NRXN1: variants seen among roughly 807,000 people sequenced by gnomAD.
The protein encoded by NRXN1 is neurexin-1.
A neutral mutation model predicts 150.9 loss-of-function variants in NRXN1; 39 were observed. That is an observed-to-expected ratio of 0.26 (90% CI 0.20 to 0.34). The LOEUF is 0.34. NRXN1 is among the 10% of genes least tolerant of loss of function. The pLI is 1.00. For synonymous variants in NRXN1, 924 were observed against 757.0 expected, an observed-to-expected ratio of 1.22 and a Z score of -3.62; for missense variants, 1,815 against 1,949.9, an observed-to-expected ratio of 0.93 and a Z score of 1.30.
chr2:50,433,808 T>C (rs1293207598), intron 17 of NRXN1, among the ~76,000 whole-genome samples: 1 of 152,024 alleles, frequency 6.6e-6, no homozygotes, highest in African/African-American at 2.4e-5. Context: ...ATGCAAATGA[T>C]AAATAGGTTG....
At chr2:50,868,276 A>C (rs988498502) in intron 5 of NRXN1, among the ~76,000 whole-genome samples, 4 of 150,172 alleles carry the variant, frequency 2.7e-5, no homozygotes, top group African/African-American at 9.8e-5. Context: ...GGAAGTCTTT[A>C]TGTGAAACAA....
intron 5 of NRXN1, among the ~76,000 whole-genome samples, chr2:50,854,869 T>C (rs184367500): frequency 1.6e-3 from 245 of 152,194 alleles, no homozygotes; most frequent in Admixed American, 5.3e-3. Flanking sequence ...TGTAGGATGA[T>C]GTACAGGAGT....
intron 2 of NRXN1, among the ~76,000 whole-genome samples, chr2:50,959,381 G>GAATAAAAT (rs1558492677): frequency 6.6e-6 from 1 of 151,952 alleles, no homozygotes; most frequent in Admixed American, 6.6e-5. Context: ...ATGAATGAAT[G>GAATAAAAT]AATAAAATAT....
intron 18 of NRXN1, among the ~76,000 whole-genome samples, chr2:50,097,918 T>C (rs964015102): frequency 2.0e-5 from 3 of 152,112 alleles, no homozygotes; most frequent in African/African-American, 7.2e-5. Flanking sequence ...GGATTACACG[T>C]GTGAGCCACT....
chr2:51,000,352 C>G (rs931896475), intron 2 of NRXN1, among the ~76,000 whole-genome samples: 1 of 151,954 alleles, frequency 6.6e-6, no homozygotes, highest in African/African-American at 2.4e-5. Flanking sequence ...CATAACACTC[C>G]TATTGATTTC....
intron 21 of NRXN1, among the ~76,000 whole-genome samples, chr2:49,967,052 T>A (rs1371122066): frequency 1.3e-5 from 2 of 152,128 alleles, no homozygotes; most frequent in Non-Finnish European, 2.9e-5. Flanking sequence ...CTTAGGCAAT[T>A]GATCGAACCC....
At chr2:50,413,932 A>G (rs2083361652) in intron 17 of NRXN1, among the ~76,000 whole-genome samples, 1 of 151,834 alleles carries the variant, frequency 6.6e-6, no homozygotes, top group Non-Finnish European at 1.5e-5. Flanking sequence ...CATGCACAGA[A>G]AGACAAATAT....
At chr2:50,886,457 A>C (rs1253841027) in intron 5 of NRXN1, among the ~76,000 whole-genome samples, 1 of 151,416 alleles carries the variant, frequency 6.6e-6, no homozygotes, top group Non-Finnish European at 1.5e-5. Flanking sequence ...TCTAATTTTA[A>C]AAAAGGAAAT....
At chr2:50,341,790 T>C (rs1332049039) in intron 17 of NRXN1, among the ~76,000 whole-genome samples, 1 of 152,202 alleles carries the variant, frequency 6.6e-6, no homozygotes, top group East Asian at 1.9e-4. Flanking sequence ...TCTAGAACAT[T>C]AATAATGAAG....
intron 17 of NRXN1, among the ~76,000 whole-genome samples, chr2:50,302,951 A>C (rs761641959): frequency 6.6e-6 from 1 of 151,924 alleles, no homozygotes; most frequent in Admixed American, 6.6e-5. Context: ...CCATCCATCT[A>C]TTCATTTGTT....
Position 50,811,241 on chromosome 2 carries a change from T to G in NRXN1, c.832+110628A>C, listed in dbSNP as rs564474508. On this transcript the variant is annotated intron_variant, in intron 5 of 22. Coordinates refer to ENST00000401669, the MANE Select transcript of NRXN1 (RefSeq NM_001330078.2). ...TTGAAACATCCCTGTGACTTAAAGT[T>G]TACAATTTCTAAGAACTTTTCCTAA... Among the ~76,000 whole-genome samples, 6 of 152,308 alleles carry G rather than the reference T, an allele frequency of 3.9e-5. No homozygotes were observed. The South Asian group carries it at 6.2e-4, about 16-fold the overall frequency.
At chr2:50,032,535 T>G (rs1441232273) in intron 21 of NRXN1, among the ~76,000 whole-genome samples, 1 of 152,088 alleles carries the variant, frequency 6.6e-6, no homozygotes, top group African/African-American at 2.4e-5. Flanking sequence ...ACACCAAGAT[T>G]GCAATTTGAG....
chr2:50,147,027 A>G (rs1708103851), intron 18 of NRXN1, among the ~76,000 whole-genome samples: 1 of 151,632 alleles, frequency 6.6e-6, no homozygotes, highest in Admixed American at 6.6e-5. Context: ...ATTTTATCCT[A>G]TTTTGTTTCC....
chr2:50,464,283 A>T lies in NRXN1; in HGVS notation c.3364+1159T>A, dbSNP rs566492098. The T allele has an allele frequency of 4.4e-4, 67 of 151,766 alleles. 1 individual carries two copies. Among genetic ancestry groups the T allele is most frequent in the African/African-American group, 1.3e-3 (52 of 41,368 alleles). The allele number at this position is 151,766 out of a possible 1,614,324, so 9.4% of individuals were successfully genotyped here. ...CCATCTACAGTGGCATGGTTGTTAA[A>T]GGCCTCTTCCACATATGTTTTAACT... On this transcript the variant is annotated intron_variant, in intron 17 of 22. Transcript: ENST00000401669.
chr2:49,948,432 A>G (rs750287627), intron 21 of NRXN1, among the ~76,000 whole-genome samples: 1 of 152,076 alleles, frequency 6.6e-6, no homozygotes, highest in Non-Finnish European at 1.5e-5. Context: ...ACTATATTTT[A>G]CTTTTTAATG....
intron 2 of NRXN1, among the ~76,000 whole-genome samples, chr2:50,946,679 A>C (rs1264118475): frequency 6.6e-6 from 1 of 152,172 alleles, no homozygotes; most frequent in African/African-American, 2.4e-5. Context: ...AAATTTATAA[A>C]ATTATTTAAA....
chr2:50,713,212 G>T (rs1192960853), intron 5 of NRXN1, among the ~76,000 whole-genome samples: 1 of 151,864 alleles, frequency 6.6e-6, no homozygotes. Flanking sequence ...TGCTTGTGAG[G>T]CTGAAGCACT....
chr2:49,971,617 A>G (rs199763319), intron 21 of NRXN1, among the ~76,000 whole-genome samples: 2 of 152,192 alleles, frequency 1.3e-5, no homozygotes, highest in East Asian at 3.9e-4. Flanking sequence ...TCTACTCTCC[A>G]TAATATAAAT....
chr2:50,822,824 A>C (rs1192959159), intron 5 of NRXN1, among the ~76,000 whole-genome samples: 1 of 152,182 alleles, frequency 6.6e-6, no homozygotes, highest in South Asian at 2.1e-4. Flanking sequence ...AATCCAGCTT[A>C]AGCCCCTATC....
Sources: allele counts gnomAD v4.1 joint callset (sites outside exome capture counted in the v4.1 genomes callset), GRCh38; gene constraint gnomAD v4.1.1; transcripts MANE v1.5; gene names NCBI Gene and HGNC (gene_info 2026-07-23, HGNC 2026-07-21).